Variants in DGKD observed in about 807,000 individuals in gnomAD.
The protein encoded by DGKD is DAG kinase delta.
Under a neutral mutation model 154.4 loss-of-function variants are expected in DGKD, and 68 were observed. The observed-to-expected ratio is 0.44, with a 90% CI of 0.36 to 0.54. The LOEUF (loss-of-function observed/expected upper bound fraction) is 0.54. Among genes scored for constraint, DGKD ranks in the 20% least tolerant of loss-of-function variants. The probability of loss-of-function intolerance (pLI) is 0.00; values close to 1 mark genes in which losing one functional copy is unlikely to be tolerated. For missense variants in DGKD, 1,343 were observed against 1,593.6 expected, an observed-to-expected ratio of 0.84 and a Z score of 2.68; for synonymous variants, 693 against 638.0, an observed-to-expected ratio of 1.09 and a Z score of -1.30.
intron 3 of DGKD, among the ~76,000 whole-genome samples, chr2:233,409,796 T>TG (rs1315001957): frequency 2.1e-5 from 3 of 141,544 alleles, no homozygotes; most frequent in East Asian, 2.1e-4. Context: ...CGTTTTTTTT[T>TG]TTTTTTTTTT....
intron 5 of DGKD, 67 bp downstream of exon 5, chr2:233,434,968 AAATCCAAACC>A: frequency 6.4e-7 from 1 of 1,557,886 alleles, no homozygotes; most frequent in Non-Finnish European, 8.7e-7. Context: ...AAAGCCTTGG[AAATCCAAACC>A]CAGTCACCAT....
rs953923761 is a variant in DGKD at position 233,463,589 on chromosome 2, A to G, written c.3187-575A>G. 1.3e-4 allele frequency among the ~76,000 whole-genome samples: 17 copies of G among 128,774 alleles called. 3 individuals are homozygous for G. The highest frequency in any genetic ancestry group is 5.9e-4 in the African/African-American group (17 of 28,694). 84.5% of individuals were successfully genotyped at this position (128,774 alleles called of 152,430 possible). Reference sequence around the variant, plus strand: ...ATCTCCTCACTCCACGCATCTCCTCACTCCACGCATCTCCTCACTCCACGC... The same window carrying G: ...ATCTCCTCACTCCACGCATCTCCTCGCTCCACGCATCTCCTCACTCCACGC... On this transcript the variant is annotated intron_variant, in intron 26 of 29. Coordinates refer to ENST00000264057, the MANE Select transcript of DGKD (RefSeq NM_152879.3).
rs2063743273 is a variant in DGKD, at chr2:233,463,790, C to T, written c.3187-374C>T. 4 of 282,044 alleles carry T rather than the reference C, an allele frequency of 1.4e-5. No homozygotes were observed. In the South Asian group the frequency reaches 1.8e-4, roughly 13 times the overall value. The allele number at this position is 282,044 out of a possible 1,614,324, so 17.5% of individuals were successfully genotyped here. ...CGTCCCGTGGTCACACGCGTGTCCTCACTGCACACCTCCTGCTGCCTCCTG... is the reference window on the plus strand; with the variant it reads ...CGTCCCGTGGTCACACGCGTGTCCTTACTGCACACCTCCTGCTGCCTCCTG... On this transcript the variant is annotated intron_variant, in intron 26 of 29. Transcript: ENST00000264057.
Position 233,394,690 on chromosome 2 carries a change from CCTTT to C in DGKD, c.348+4208_348+4211del, listed in dbSNP as rs1430919416. On this transcript the variant is annotated intron_variant, in intron 3 of 29. Coordinates refer to ENST00000264057, the MANE Select transcript of DGKD (RefSeq NM_152879.3). The stretch of plus-strand genomic sequence containing the variant: ...TTCCTTATTATTTTGAATTTAATTC[CCTTT>C]TTTTTTTTTTTTTTTTTTTTTTTTT... Among the ~76,000 whole-genome samples, 433 of 83,210 alleles carry C rather than the reference CCTTT, an allele frequency of 5.2e-3. 73 individuals carry two copies. Among genetic ancestry groups the C allele is most frequent in the Middle Eastern group, 0.015 (2 of 134 alleles). The allele number at this position is 83,210 out of a possible 152,430, so 54.6% of individuals were successfully genotyped here.
intron 3 of DGKD, chr2:233,429,152 T>C: frequency 1.0e-6 from 1 of 985,340 alleles, no homozygotes; most frequent in Non-Finnish European, 1.2e-6. Context: ...TCTCAAACGC[T>C]GAGGCTGAGT....
intron 6 of DGKD, 132 bp downstream of exon 6, chr2:233,436,056 G>T: frequency 9.1e-7 from 1 of 1,104,634 alleles, no homozygotes; most frequent in Non-Finnish European, 1.3e-6. Context: ...GGGTGGCACA[G>T]TGGAAATTAT....
chr2:233,364,144 A>C (rs982100148), intron 1 of DGKD, among the ~76,000 whole-genome samples: 2 of 152,234 alleles, frequency 1.3e-5, no homozygotes, highest in South Asian at 4.1e-4. Flanking sequence ...AACAGAAATA[A>C]TGGAAACCAA....
rs150755164 is a variant in DGKD at position 233,454,387 on chromosome 2, G to A, written c.2265-376G>A. 1.0e-3 allele frequency: 489 copies of A among 473,244 alleles called. 2 individuals carry two copies. Among genetic ancestry groups the A allele is most frequent in the African/African-American group, 8.8e-3 (445 of 50,296 alleles). 29.3% of individuals were successfully genotyped at this position (473,244 alleles called of 1,614,324 possible). On this transcript the variant is annotated intron_variant, in intron 18 of 29. Transcript: ENST00000264057. ...GGAGCCAGACACAGAGCCCACGACCGCATGATCCCATTCCTGTGAACTGCC... is the reference window on the plus strand; with the variant it reads ...GGAGCCAGACACAGAGCCCACGACCACATGATCCCATTCCTGTGAACTGCC...
Position 233,452,194 on chromosome 2 carries a change from A to G in DGKD, c.2264+134A>G, listed in dbSNP as rs758373061. ...TGGTAGCTGATAAGGAAGGCTGAGA[A>G]GTCGTGGAGATTCCACTTAAGGAGT... On this transcript the variant is annotated intron_variant, in intron 18 of 29. Coordinates refer to ENST00000264057, the MANE Select transcript of DGKD (RefSeq NM_152879.3). This position sits in a 1 kb window ranked among gnomAD's most constrained non-coding sequence, Gnocchi z 4.0. 2.2e-5 allele frequency: 18 copies of G among 818,898 alleles called. No homozygotes were observed. Among genetic ancestry groups the G allele is most frequent in the African/African-American group, 3.4e-5 (2 of 59,130 alleles). The allele number at this position is 818,898 out of a possible 1,614,324, so 50.7% of individuals were successfully genotyped here.
intron 18 of DGKD, chr2:233,454,481 A>G (rs760086815): frequency 6.1e-6 from 3 of 492,778 alleles, no homozygotes; most frequent in African/African-American, 2.0e-5. Flanking sequence ...ATGGAGAGTT[A>G]GTTGCTGATG....
In DGKD at chr2:233,438,502, T is replaced by C; in HGVS notation, c.1085+123T>C. ...AAATAGGAAAGAAAAGTTGAACTGC[T>C]TCCTTCCCAAATTGCACTTGCAGAG... On this transcript the variant is annotated intron_variant, in intron 9 of 29. Coordinates refer to ENST00000264057, the MANE Select transcript of DGKD (RefSeq NM_152879.3). The surrounding 1 kb of genome is among the most constrained non-coding windows in gnomAD (Gnocchi z 4.1). 1 of 1,240,398 alleles carries C rather than the reference T, an allele frequency of 8.1e-7. No individual in the cohort carries two copies. The highest frequency in any genetic ancestry group is 1.6e-5 in the South Asian group (1 of 62,754). The allele number at this position is 1,240,398 out of a possible 1,614,324, so 76.8% of individuals were successfully genotyped here. A position where few individuals can be genotyped will look rare whatever the true frequency, so the allele number is the denominator to read the frequency against.
In DGKD at chr2:233,457,754, C is replaced by T. The variant is rs79394790; in HGVS notation, c.2580+426C>T. Reference sequence around the variant, plus strand: ...CATGGAGGATGGGAGAGAGGTGCCCCGACTGCAGTGGGCAGCAGGGGCGTG... The same window carrying T: ...CATGGAGGATGGGAGAGAGGTGCCCTGACTGCAGTGGGCAGCAGGGGCGTG... On this transcript the variant is annotated intron_variant, in intron 21 of 29. Coordinates refer to ENST00000264057, the MANE Select transcript of DGKD (RefSeq NM_152879.3). The surrounding 1 kb of genome is among the most constrained non-coding windows in gnomAD (Gnocchi z 5.5). The T allele has an allele frequency of 2.3e-4, 84 of 366,552 alleles. No individual in the cohort carries two copies. The highest frequency in any genetic ancestry group is 3.6e-4 in the Non-Finnish European group (66 of 185,046). 22.7% of individuals were successfully genotyped at this position (366,552 alleles called of 1,614,324 possible).
chr2:233,380,878 C>G (rs1234528425), intron 1 of DGKD, among the ~76,000 whole-genome samples: 3 of 152,070 alleles, frequency 2.0e-5, no homozygotes, highest in South Asian at 4.1e-4. Flanking sequence ...AATGAGGTGT[C>G]TCTCCTCCTG....
At chr2:233,447,660 C>G in intron 12 of DGKD, 1 of 1,013,590 alleles carries the variant, frequency 9.9e-7, no homozygotes, top group Non-Finnish European at 1.2e-6. Context: ...GCCCTTCTGA[C>G]AGCCAGAACA....
chr2:233,439,639 G>C (rs1158775493), intron 9 of DGKD, among the ~76,000 whole-genome samples: 4 of 152,184 alleles, frequency 2.6e-5, no homozygotes, highest in African/African-American at 9.7e-5. Context: ...CTGGCTCACA[G>C]CAGCCTCAAC....
rs1040570458 is a variant in DGKD, at chr2:233,452,863, G to A, written c.2264+803G>A. Reference sequence around the variant, plus strand: ...CCAGCCATTTTTCTGGAGTGGTGACGGACAGTGACAGGAAGAAATGTGCGG... The same window carrying A: ...CCAGCCATTTTTCTGGAGTGGTGACAGACAGTGACAGGAAGAAATGTGCGG... On this transcript the variant is annotated intron_variant, in intron 18 of 29. Coordinates refer to ENST00000264057, the MANE Select transcript of DGKD (RefSeq NM_152879.3). This position sits in a 1 kb window ranked among gnomAD's most constrained non-coding sequence, Gnocchi z 4.0. Among the ~76,000 whole-genome samples the A allele has an allele frequency of 1.3e-5, 2 of 152,182 alleles. No homozygotes were observed. Among genetic ancestry groups the A allele is most frequent in the Non-Finnish European group, 2.9e-5 (2 of 68,042 alleles).
At chr2:233,465,225 A>C (rs1268936006) in intron 27 of DGKD, among the ~76,000 whole-genome samples, 1 of 152,204 alleles carries the variant, frequency 6.6e-6, no homozygotes, top group Non-Finnish European at 1.5e-5. Context: ...GGTGATTAAG[A>C]AATTTTACCC....
At chr2:233,358,142 ACT>A (rs1701613323) in intron 1 of DGKD, among the ~76,000 whole-genome samples, 3 of 152,176 alleles carry the variant, frequency 2.0e-5, no homozygotes, top group South Asian at 4.1e-4. Flanking sequence ...CACAGTAATG[ACT>A]CTGTAGAACT....
At position 233,436,719 on chromosome 2, in the gene DGKD, G is replaced by C. The variant is rs532573893; in HGVS notation, c.819+278G>C. Among the ~76,000 whole-genome samples the C allele has an allele frequency of 2.0e-5, 3 of 152,400 alleles. 1 individual carries two copies. In the South Asian group the frequency reaches 6.2e-4, roughly 32 times the overall value. On this transcript the variant is annotated intron_variant, in intron 7 of 29. Transcript: ENST00000264057. ...CATCATGCGGCACTGTAGCCGGGTT[G>C]TGAGGGGTCACCTGGGACAATTGAG...
Sources: gnomAD v4.1 joint callset for allele counts (sites outside exome capture counted in the v4.1 genomes callset) on GRCh38, gnomAD v4.1.1 for gene constraint, Gnocchi (gnomAD v3.1) non-coding constraint, MANE v1.5 for transcripts, NCBI Gene and HGNC (gene_info 2026-07-23, HGNC 2026-07-21) for gene names.